Variants in ZNF28 observed in about 807,000 individuals in gnomAD.
The protein encoded by ZNF28 is zinc finger protein KOX24.
A neutral mutation model predicts 7.2 loss-of-function variants in ZNF28; 5 were observed. The ratio of observed to expected loss-of-function variants is 0.70; its 90% CI spans 0.36 to 1.46. The LOEUF is 1.46. Among genes scored for constraint, ZNF28 ranks in the 40% most tolerant of loss-of-function variants. ZNF28 has a pLI of 0.03. For synonymous variants in ZNF28, 288 were observed against 292.4 expected, an observed-to-expected ratio of 0.99 and a Z score of 0.15; for missense variants, 879 against 866.6, an observed-to-expected ratio of 1.01 and a Z score of -0.18.
At chr19:52,817,266 G>A (rs555511086) in intron 2 of ZNF28, among the ~76,000 whole-genome samples, 98 of 152,178 alleles carry the variant, frequency 6.4e-4, no homozygotes, top group Middle Eastern at 3.4e-3. Context: ...CAGCTACTCG[G>A]GAGGCTGAGG....
intron 2 of ZNF28, among the ~76,000 whole-genome samples, 182 bp downstream of exon 2, chr19:52,817,762 C>T (rs1373184878): frequency 6.6e-6 from 1 of 152,126 alleles, no homozygotes; most frequent in Non-Finnish European, 1.5e-5. Context: ...CTCCCATGTT[C>T]ATGTCACTGG....
chr19:52,804,953 A>T (rs2062917624), intron 3 of ZNF28, among the ~76,000 whole-genome samples: 2 of 152,202 alleles, frequency 1.3e-5, no homozygotes, highest in South Asian at 4.1e-4. Flanking sequence ...GAAGCCATCT[A>T]ATAGCACTAA....
At chr19:52,810,966 T>C (rs1428573452) in intron 2 of ZNF28, among the ~76,000 whole-genome samples, 2 of 132,572 alleles carry the variant, frequency 1.5e-5, no homozygotes, top group East Asian at 5.4e-4. Context: ...ACTGCTGCCA[T>C]CTCGGCTCAC....
chr19:52,810,590 G>A (rs551903878), intron 2 of ZNF28: 27 of 1,573,340 alleles, frequency 1.7e-5, no homozygotes, highest in Middle Eastern at 3.4e-4. Flanking sequence ...CCGCTACCGC[G>A]CCCGACCACC....
At position 52,800,478 on chromosome 19, in the gene ZNF28, C is replaced by T. The variant is rs1013186578; in HGVS notation, c.1367G>A (p.Arg456His). Residue 456 changes from arginine to histidine, a missense_variant, in exon 4 of 4, where the codon CGC becomes CAC. Physicochemically the swap from Arg to His is conservative, Grantham distance 29. Around this residue, in one of 2 missense-constraint regions of ZNF28, gnomAD observed 864 missense variants for 830.2 expected, o/e 1.04. Transcript: ENST00000457749. ...CTCTGCAGTATGAAGTCTATGATGG[C>T]GTGCAAGAGTTGATTGTTGATTAAA... is the stretch of plus-strand genomic sequence containing the variant. ...KVFNQQSTLA[R>H]HHRLHTAEKP... 29 of 1,613,270 alleles carry T rather than the reference C, an allele frequency of 1.8e-5. No homozygotes were observed. Among genetic ancestry groups the T allele is most frequent in the East Asian group, 2.2e-5 (1 of 44,850 alleles).
chr19:52,807,023 G>A (rs139285150), intron 3 of ZNF28, among the ~76,000 whole-genome samples: 5 of 152,294 alleles, frequency 3.3e-5, no homozygotes, highest in African/African-American at 4.8e-5. Flanking sequence ...TCTCCCACTT[G>A]CAGAGAGTTT....
chr19:52,804,516 G>A (rs1272068539), intron 3 of ZNF28, among the ~76,000 whole-genome samples: 5 of 151,416 alleles, frequency 3.3e-5, no homozygotes, highest in East Asian at 1.9e-4. Context: ...GATTACAGGC[G>A]CACGCCACCA....
At chr19:52,809,071 A>G (rs1416100399) in intron 2 of ZNF28, among the ~76,000 whole-genome samples, 1 of 152,216 alleles carries the variant, frequency 6.6e-6, no homozygotes, top group African/African-American at 2.4e-5. Context: ...TTTAAAAAAT[A>G]TAAAAAGTAG....
intron 2 of ZNF28, chr19:52,809,822 A>AGGCAGC (rs202197218): frequency 9.7e-4 from 502 of 515,976 alleles, no homozygotes; most frequent in Middle Eastern, 1.6e-3. Flanking sequence ...TGAGCGGCGA[A>AGGCAGC]GGCGGCGGCG....
At chr19:52,808,205 G>A (rs1190805926) in intron 2 of ZNF28, 72 bp from the exon 3 acceptor site, 5 of 1,588,794 alleles carry the variant, frequency 3.1e-6, no homozygotes, top group Non-Finnish European at 4.3e-6. Flanking sequence ...GACAAGAGAG[G>A]GGGAAAGCAT....
chr19:52,818,823 C>T (rs1396050116), intron 1 of ZNF28, among the ~76,000 whole-genome samples: 2 of 144,288 alleles, frequency 1.4e-5, no homozygotes, highest in East Asian at 4.1e-4. Context: ...ATACAGGTTG[C>T]AGTGAGCCAA....
At chr19:52,820,991 C>T (rs1328659026) in intron 1 of ZNF28, among the ~76,000 whole-genome samples, 1 of 152,054 alleles carries the variant, frequency 6.6e-6, no homozygotes, top group Non-Finnish European at 1.5e-5. Context: ...GCGCATTTTC[C>T]CAGAGCTGGA....
chr19:52,810,888 TCC>T (rs2063021280), intron 2 of ZNF28, among the ~76,000 whole-genome samples: 2 of 3,968 alleles, frequency 5.0e-4, no homozygotes, highest in Non-Finnish European at 9.2e-4. Flanking sequence ...CCCCTCCCCC[TCC>T]CCCTCCCCCT....
chr19:52,806,706 A>T (rs2062941375), intron 3 of ZNF28, among the ~76,000 whole-genome samples: 1 of 151,986 alleles, frequency 6.6e-6, no homozygotes, highest in Non-Finnish European at 1.5e-5. Context: ...GTTTGAAACC[A>T]GCCTGGCCAA....
rs2062837559 is a variant in ZNF28, at chr19:52,799,782, T to C, written c.2063A>G (p.Glu688Gly). ...LAQHQRVHTG[E>G]KPYKCNECGK... ...ACACTCATTACACTTGTAAGGTTTC[T>C]CTCCAGTATGAACTCTCTGATGCTG... The change falls in exon 4 of 4, where the codon GAG becomes GGG. Residue 688 changes from glutamate (E) to glycine (G), a missense_variant. Coordinates refer to ENST00000457749, the MANE Select transcript of ZNF28 (RefSeq NM_006969.5). The C allele has an allele frequency of 2.5e-6, 4 of 1,614,086 alleles. No homozygotes were observed. Among genetic ancestry groups the C allele is most frequent in the Non-Finnish European group, 3.4e-6 (4 of 1,180,040 alleles).
In ZNF28 at chr19:52,812,207, C is replaced by T. The variant is rs1447711766; in HGVS notation, c.16-4074G>A. On this transcript the variant is annotated intron_variant, in intron 2 of 3. Transcript: ENST00000457749. Reference sequence around the variant, plus strand: ...GAGGTGAGGGGCGCTTCTGCCCGGCCGCCCCTACTGGGAAGTGAGGAGCCC... The same window carrying T: ...GAGGTGAGGGGCGCTTCTGCCCGGCTGCCCCTACTGGGAAGTGAGGAGCCC... Among the ~76,000 whole-genome samples, 36 of 133,372 alleles carry T rather than the reference C, an allele frequency of 2.7e-4. 4 individuals are homozygous for T. The highest frequency in any genetic ancestry group is 4.4e-4 in the Admixed American group (6 of 13,780). The allele number at this position is 133,372 out of a possible 152,430, so 87.5% of individuals were successfully genotyped here.
intron 3 of ZNF28, among the ~76,000 whole-genome samples, chr19:52,802,288 T>C (rs942336719): frequency 1.3e-5 from 2 of 152,128 alleles, no homozygotes; most frequent in Non-Finnish European, 2.9e-5. Context: ...AGAATTGCGT[T>C]AAGCCAAAGG....
At chr19:52,810,718 G>C (rs767439875) in intron 2 of ZNF28, 1 of 733,570 alleles carries the variant, frequency 1.4e-6, no homozygotes, top group African/African-American at 1.8e-5. Flanking sequence ...AAAAAAATGT[G>C]TATTAGGAGA....
intron 3 of ZNF28, chr19:52,805,694 A>G (rs1347335584): frequency 1.5e-5 from 2 of 133,656 alleles, no homozygotes; most frequent in East Asian, 3.9e-4. Flanking sequence ...GGTAGTAAAA[A>G]CAGATAGGCC....
Sources: allele counts gnomAD v4.1 joint callset (sites outside exome capture counted in the v4.1 genomes callset), GRCh38; gene constraint gnomAD v4.1.1; regional missense constraint gnomAD v4.1.1; transcripts MANE v1.5; gene names NCBI Gene and HGNC (gene_info 2026-07-23, HGNC 2026-07-21).